Variants in ELFN1 observed in about 807,000 individuals in gnomAD.
The protein encoded by ELFN1 is extracellular leucine rich repeat and fibronectin type III domain containing 1.
In ELFN1, 6 loss-of-function variants were observed where a neutral mutation model predicts 7.6. The observed-to-expected ratio is 0.79, with a 90% CI of 0.43 to 1.56. The LOEUF is 1.56. Ranked by LOEUF, ELFN1 falls within the 40% of genes most tolerant of loss-of-function variation. The probability of loss-of-function intolerance (pLI) is 0.01; values close to 1 mark genes in which losing one functional copy is unlikely to be tolerated. For missense variants in ELFN1, 1,169 were observed against 1,232.2 expected, an observed-to-expected ratio of 0.95 and a Z score of 0.77; for synonymous variants, 657 against 588.1, an observed-to-expected ratio of 1.12 and a Z score of -1.70.
chr7:1,728,498 T>C (rs1286143810), intron 3 of ELFN1, among the ~76,000 whole-genome samples: 2 of 152,254 alleles, frequency 1.3e-5, no homozygotes, highest in South Asian at 2.1e-4. Flanking sequence ...CTCAGGGTCC[T>C]GGCCACCTTC....
intron 3 of ELFN1, among the ~76,000 whole-genome samples, chr7:1,718,152 C>G (rs984852903): frequency 6.6e-6 from 1 of 152,224 alleles, no homozygotes; most frequent in African/African-American, 2.4e-5. Flanking sequence ...CATGCATGCC[C>G]ATTCCTTTTA....
intron 1 of ELFN1, among the ~76,000 whole-genome samples, chr7:1,677,085 T>C (rs909863843): frequency 6.6e-6 from 1 of 152,156 alleles, no homozygotes; most frequent in Non-Finnish European, 1.5e-5. Context: ...TGCTTAGAAA[T>C]TGGAGCTACA....
intron 3 of ELFN1, among the ~76,000 whole-genome samples, chr7:1,733,567 G>A (rs1780369184): frequency 6.6e-6 from 1 of 152,092 alleles, no homozygotes; most frequent in South Asian, 2.1e-4. Flanking sequence ...TGAGCAAACC[G>A]GGCTGGGCCA....
In ELFN1 at chr7:1,740,395, G is replaced by A. The variant is rs551469097; in HGVS notation, c.-293-3909G>A. Among the ~76,000 whole-genome samples, 28 of 152,368 alleles carry A rather than the reference G, an allele frequency of 1.8e-4. No individual in the cohort carries two copies. Among genetic ancestry groups the A allele is most frequent in the East Asian group, 7.7e-4 (4 of 5,190 alleles). On this transcript the variant is annotated intron_variant, in intron 3 of 3. Coordinates refer to ENST00000424383, the MANE Select transcript of ELFN1 (RefSeq NM_001128636.4). The surrounding 1 kb of genome is among the most constrained non-coding windows in gnomAD (Gnocchi z 5.0). ...CTGTGAAGGACAGTAACGCCCATGC[G>A]GGGTCTCCGCACCTGCCCTCCGTGC...
At chr7:1,724,310 C>G (rs1252286500) in intron 3 of ELFN1, among the ~76,000 whole-genome samples, 1 of 152,206 alleles carries the variant, frequency 6.6e-6, no homozygotes. Flanking sequence ...CTCCTCTATT[C>G]TACCTAACAG....
chr7:1,697,860 C>A (rs182363606), intron 2 of ELFN1, among the ~76,000 whole-genome samples: 2 of 152,160 alleles, frequency 1.3e-5, no homozygotes, highest in Non-Finnish European at 2.9e-5. Context: ...TCATGGCTCA[C>A]GGCAGCCTTG....
At chr7:1,724,342 G>A (rs1025601330) in intron 3 of ELFN1, among the ~76,000 whole-genome samples, 2 of 152,102 alleles carry the variant, frequency 1.3e-5, no homozygotes, top group Non-Finnish European at 2.9e-5. Context: ...GTCAGCCCGC[G>A]TTGCCTTCTC....
chr7:1,712,595 C>T (rs1463327046), intron 3 of ELFN1, among the ~76,000 whole-genome samples: 1 of 152,016 alleles, frequency 6.6e-6, no homozygotes, highest in Non-Finnish European at 1.5e-5. Flanking sequence ...CCATGCCCGG[C>T]TAATTTTTGT....
At chr7:1,710,745 G>T (rs1285534302) in intron 3 of ELFN1, among the ~76,000 whole-genome samples, 1 of 152,214 alleles carries the variant, frequency 6.6e-6, no homozygotes, top group Non-Finnish European at 1.5e-5. Flanking sequence ...GGGTCCCCAG[G>T]GCAGGCTGCT....
rs567758862 is a variant in ELFN1, at chr7:1,684,661, A to G, written c.-548-3397A>G. Among the ~76,000 whole-genome samples, 3 of 152,310 alleles carry G rather than the reference A, an allele frequency of 2.0e-5. No homozygotes were observed. The East Asian group carries it at 5.8e-4, about 29-fold the overall frequency. On this transcript the variant is annotated intron_variant, in intron 1 of 3. Transcript: ENST00000424383. ...TATTGGTTGCCTTAGGGACTACAGTATGCATACCAACTTATTACCATCTAT... is the reference window on the plus strand; with the variant it reads ...TATTGGTTGCCTTAGGGACTACAGTGTGCATACCAACTTATTACCATCTAT...
chr7:1,728,167 A>AAG (rs1198928948), intron 3 of ELFN1, among the ~76,000 whole-genome samples: 2 of 4,810 alleles, frequency 4.2e-4, no homozygotes, highest in Non-Finnish European at 7.1e-4. Context: ...TAGGGCGCCA[A>AAG]ACGGGTGAGA....
In ELFN1 at chr7:1,745,386, C is replaced by T. The variant is rs1181084927; in HGVS notation, c.790C>T (p.Arg264Cys). ...SYAAEVVGPPRPASGRSQPGR... is the reference protein window; with the variant it reads ...SYAAEVVGPPCPASGRSQPGR... ...CGCGGCTGAGGTGGTCGGGCCCCCA[C>T]GTCCAGCATCCGGGCGCTCACAGCC... The change falls in exon 4 of 4, where the codon CGT (arginine) becomes TGT (cysteine). Residue 264 changes from arginine to cysteine, a missense_variant. Around this residue, in one of 2 missense-constraint regions of ELFN1, gnomAD observed 914 missense variants for 872.6 expected, o/e 1.05. Transcript: ENST00000424383. The T allele has an allele frequency of 3.2e-6, 5 of 1,538,928 alleles. No homozygotes were observed. The highest frequency in any genetic ancestry group is 4.4e-6 in the Non-Finnish European group (5 of 1,145,802).
intron 2 of ELFN1, among the ~76,000 whole-genome samples, chr7:1,706,476 C>T (rs1779533361): frequency 6.6e-6 from 1 of 152,014 alleles, no homozygotes; most frequent in Non-Finnish European, 1.5e-5. Flanking sequence ...AAACACCCAG[C>T]AGTTCCACAT....
Position 1,745,509 on chromosome 7 carries a change from GCCCTGCCCA to G in ELFN1, c.915_923del (p.Pro307_Leu309del), listed in dbSNP as rs1412253203. ...CGGGGACGGCACCACGCCACTGGTG[GCCCTGCCCA>G]CGCTGGCCACGCAGGCCGAGGCCCG... On this transcript the variant is annotated inframe_deletion, in exon 4 of 4. Transcript: ENST00000424383. The G allele has an allele frequency of 9.7e-6, 15 of 1,545,322 alleles. No homozygotes were observed. The highest frequency in any genetic ancestry group is 2.7e-5 in the African/African-American group (2 of 73,168).
chr7:1,696,392 CT>C (rs964898176), intron 2 of ELFN1, among the ~76,000 whole-genome samples: 316 of 137,170 alleles, frequency 2.3e-3, no homozygotes, highest in Middle Eastern at 7.6e-3. Context: ...TTCTTTCTTT[CT>C]TTTTTTTTTT....
intron 1 of ELFN1, among the ~76,000 whole-genome samples, chr7:1,672,061 C>T (rs921516380): frequency 3.3e-5 from 5 of 152,318 alleles, no homozygotes; most frequent in East Asian, 3.9e-4. Flanking sequence ...CCCTCCTCCT[C>T]GGCCGCAGCA....
In ELFN1 at chr7:1,695,146, G is replaced by A. The variant is rs1170317785; in HGVS notation, c.-456+6996G>A. On this transcript the variant is annotated intron_variant, in intron 2 of 3. Coordinates refer to ENST00000424383, the MANE Select transcript of ELFN1 (RefSeq NM_001128636.4). The surrounding 1 kb of genome is among the most constrained non-coding windows in gnomAD (Gnocchi z 5.1). Reference sequence around the variant, plus strand: ...AGGCACATGGTGGGACCTGCTCTGTGGCTCCAGAGCTCATGCGCAGCCCGC... The same window carrying A: ...AGGCACATGGTGGGACCTGCTCTGTAGCTCCAGAGCTCATGCGCAGCCCGC... 2.0e-5 allele frequency among the ~76,000 whole-genome samples: 3 copies of A among 152,226 alleles called. No individual in the cohort carries two copies. The highest frequency in any genetic ancestry group is 7.2e-5 in the African/African-American group (3 of 41,462).
At chr7:1,744,201 A>C (rs1583407022) in intron 3 of ELFN1, 103 bp from the exon 4 acceptor site, 1 of 234,664 alleles carries the variant, frequency 4.3e-6, no homozygotes, top group Non-Finnish European at 8.1e-6. Context: ...CGGAGCAGGG[A>C]CTCAGGCCAC....
chr7:1,742,608 C>T (rs956584894), intron 3 of ELFN1, among the ~76,000 whole-genome samples: 1 of 152,206 alleles, frequency 6.6e-6, no homozygotes, highest in African/African-American at 2.4e-5. Context: ...TTTCCCTACC[C>T]AAGCAGCCCC....
Sources: allele counts gnomAD v4.1 joint callset (sites outside exome capture counted in the v4.1 genomes callset), GRCh38; gene constraint gnomAD v4.1.1; regional missense constraint gnomAD v4.1.1; non-coding constraint Gnocchi (gnomAD v3.1); transcripts MANE v1.5; gene names NCBI Gene and HGNC (gene_info 2026-07-23, HGNC 2026-07-21).